SPOP: variants seen among roughly 807,000 people sequenced by gnomAD.
SPOP encodes speckle-type POZ protein.
Under a neutral mutation model 45.6 loss-of-function variants are expected in SPOP, and 11 were observed. The observed-to-expected ratio is 0.24, with a 90% CI of 0.15 to 0.40. SPOP has a LOEUF of 0.40. Among genes scored for constraint, SPOP ranks in the 10% least tolerant of loss-of-function variants. The pLI is 1.00. For missense variants in SPOP, 152 were observed against 465.6 expected (o/e 0.33, Z 6.20); for synonymous variants, 166 against 166.3 (o/e 1.00, Z 0.01).
chr17:49,607,084 T>C (rs962528627), intron 8 of SPOP, 166 bp downstream of exon 8: 21 of 707,800 alleles, frequency 3.0e-5, no homozygotes, highest in Non-Finnish European at 4.3e-5. Context: ...GAATAAAAAG[T>C]GTGCTATTAA....
intron 1 of SPOP, among the ~76,000 whole-genome samples, chr17:49,659,949 C>T (rs1231516231): frequency 1.3e-5 from 2 of 152,188 alleles, no homozygotes; most frequent in East Asian, 1.9e-4. Context: ...TCAACCCCCA[C>T]ACTCAATCTA....
intron 3 of SPOP, among the ~76,000 whole-genome samples, chr17:49,620,277 A>G (rs1238819426): frequency 6.6e-6 from 1 of 152,162 alleles, no homozygotes; most frequent in Non-Finnish European, 1.5e-5. Context: ...CTTAAGTTCG[A>G]GAATGGCCTG....
At chr17:49,622,694 C>A in intron 2 of SPOP, 39 bp downstream of exon 2, 1 of 1,581,118 alleles carries the variant, frequency 6.3e-7, no homozygotes, top group Non-Finnish European at 8.7e-7. Flanking sequence ...CCAAATCCTC[C>A]CCAGATGCAA....
chr17:49,661,188 A>G (rs2072983445), intron 1 of SPOP, among the ~76,000 whole-genome samples: 1 of 152,098 alleles, frequency 6.6e-6, no homozygotes, highest in Admixed American at 6.5e-5. Context: ...AGCACACCCT[A>G]ATCATGTTAT....
At chr17:49,626,909 T>C (rs912998459) in intron 1 of SPOP, among the ~76,000 whole-genome samples, 1 of 151,966 alleles carries the variant, frequency 6.6e-6, no homozygotes, top group Non-Finnish European at 1.5e-5. Flanking sequence ...TGGAGTGCAG[T>C]GGCGATCTTG....
chr17:49,613,332 G>A (rs759342556), intron 5 of SPOP, among the ~76,000 whole-genome samples: 16 of 151,752 alleles, frequency 1.1e-4, no homozygotes, highest in Admixed American at 4.6e-4. Flanking sequence ...ACAGGGAAAG[G>A]CAGGAATCTC....
chr17:49,641,177 C>T (rs936509341), intron 1 of SPOP, among the ~76,000 whole-genome samples: 15 of 141,892 alleles, frequency 1.1e-4, no homozygotes, highest in African/African-American at 3.9e-4. Flanking sequence ...GCAGGAGAAT[C>T]GCTTGAACCT....
intron 6 of SPOP, among the ~76,000 whole-genome samples, chr17:49,610,038 T>TG (rs1031917167): frequency 3.3e-5 from 5 of 152,040 alleles, no homozygotes; most frequent in African/African-American, 1.2e-4. Flanking sequence ...CCTTTTCTCT[T>TG]GGAGGAAGTA....
chr17:49,667,639 T>C (rs1313935791), intron 1 of SPOP, among the ~76,000 whole-genome samples: 1 of 152,168 alleles, frequency 6.6e-6, no homozygotes, highest in Non-Finnish European at 1.5e-5. Flanking sequence ...AGCACTTTTG[T>C]GAACTGTTGG....
chr17:49,632,375 C>CA (rs1403110784), intron 1 of SPOP, among the ~76,000 whole-genome samples: 1 of 152,064 alleles, frequency 6.6e-6, no homozygotes, highest in Non-Finnish European at 1.5e-5. Context: ...CCTGAATCCA[C>CA]AAGACAATAG....
At chr17:49,617,820 A>C (rs2072120166) in intron 5 of SPOP, among the ~76,000 whole-genome samples, 1 of 149,104 alleles carries the variant, frequency 6.7e-6, no homozygotes, top group Non-Finnish European at 1.5e-5. Context: ...GCTACTTGGG[A>C]GGCTAAGGCA....
At chr17:49,631,306 T>G (rs190977282) in intron 1 of SPOP, among the ~76,000 whole-genome samples, 3 of 152,318 alleles carry the variant, frequency 2.0e-5, no homozygotes, top group Non-Finnish European at 2.9e-5. Context: ...GGAAGCTCCA[T>G]TTTTTAATAG....
At chr17:49,647,412 G>C (rs896054432) in intron 1 of SPOP, among the ~76,000 whole-genome samples, 4 of 150,358 alleles carry the variant, frequency 2.7e-5, no homozygotes, top group Non-Finnish European at 4.4e-5. Flanking sequence ...TAATGGGTTC[G>C]TGTCTACTTC....
chr17:49,618,469 C>T (rs776835559), intron 5 of SPOP: 2 of 445,344 alleles, frequency 4.5e-6, no homozygotes, highest in Non-Finnish European at 9.0e-6. Context: ...GAGAGCTTTA[C>T]ATAGCCTTCA....
In SPOP at chr17:49,619,077, G is replaced by A. The variant is rs1464021387; in HGVS notation, c.384C>T (p.Gly128=). 4 of 1,614,062 alleles carry A rather than the reference G, an allele frequency of 2.5e-6. 1 individual carries two copies. In the South Asian group the frequency reaches 4.4e-5, roughly 18 times the overall value. Residue 128 remains glycine (G), a synonymous_variant, in exon 5 of 10, where the codon GGC becomes GGT. Coordinates refer to ENST00000504102, the MANE Select transcript of SPOP (RefSeq NM_001007228.2). This position sits in a 1 kb window ranked among gnomAD's most constrained non-coding sequence, Gnocchi z 4.9. The part of the protein sequence containing the change: ...ESQRAYRFVQ[G]KDWGFKKFIR... ...TGAATTTCTTGAATCCCCAGTCTTT[G>A]CCTTGCACAAACCTATATGCCCGTT... is the stretch of plus-strand genomic sequence containing the variant.
intron 2 of SPOP, chr17:49,622,466 G>C: frequency 3.7e-6 from 2 of 538,646 alleles, no homozygotes; most frequent in Non-Finnish European, 6.7e-6. Context: ...AGGAAACTCA[G>C]AACACACTTT....
Position 49,622,964 on chromosome 17 carries a change from T to A in SPOP, c.-66-88A>T. Reference sequence around the variant, plus strand: ...TTTGACCTGATAGAGGCTGGAAATTTTGTCTCCACATTGTTTGAGTGGCTC... The same window carrying A: ...TTTGACCTGATAGAGGCTGGAAATTATGTCTCCACATTGTTTGAGTGGCTC... On this transcript the variant is annotated intron_variant, in intron 1 of 9. Transcript: ENST00000504102. The A allele has an allele frequency of 6.3e-6, 4 of 635,694 alleles. No individual in the cohort carries two copies. In the South Asian group the frequency reaches 8.2e-5, roughly 13 times the overall value. 39.4% of individuals were successfully genotyped at this position (635,694 alleles called of 1,614,324 possible).
At chr17:49,659,526 T>C (rs1390141840) in intron 1 of SPOP, among the ~76,000 whole-genome samples, 1 of 152,222 alleles carries the variant, frequency 6.6e-6, no homozygotes, top group East Asian at 1.9e-4. Flanking sequence ...TATATTTTTC[T>C]AGAGCCACTG....
intron 1 of SPOP, among the ~76,000 whole-genome samples, chr17:49,657,971 G>T (rs1400498787): frequency 6.6e-6 from 1 of 152,062 alleles, no homozygotes; most frequent in Non-Finnish European, 1.5e-5. Context: ...AAAGTGCTGG[G>T]ATTACAGGCA....
Sources: allele counts gnomAD v4.1 joint callset (sites outside exome capture counted in the v4.1 genomes callset), GRCh38; gene constraint gnomAD v4.1.1; non-coding constraint Gnocchi (gnomAD v3.1); transcripts MANE v1.5; gene names NCBI Gene and HGNC (gene_info 2026-07-23, HGNC 2026-07-21).